The following OR7A17 variants were observed in gnomAD, a reference collection of about 807,000 sequenced individuals.
OR7A17 encodes olfactory receptor family 7 subfamily A member 17.
For synonymous variants in OR7A17, 159 were observed against 142.1 expected (o/e 1.12, Z -0.85); for missense variants, 366 against 365.5 (o/e 1.00, Z -0.01).
Position 14,880,592 on chromosome 19 carries a change from C to A in OR7A17, c.764G>T (p.Gly255Val). Residue 255 changes from glycine (G) to valine (V), a missense_variant, in exon 3 of 3, where the codon GGC becomes GTC. Physicochemically the swap from Gly to Val is moderately radical, Grantham distance 109 (BLOSUM62 -3). Transcript: ENST00000641113. The stretch of plus-strand genomic sequence containing the variant: ...AGCAGAAGTAAGGTACACACCTAGG[C>A]CCGTACAACAAAATAAAGAGACAAC... ...LSVVSLFCCTGLGVYLTSAAT... is the reference protein window; with the variant it reads ...LSVVSLFCCTVLGVYLTSAAT... 6.2e-7 allele frequency: 1 copy of A among 1,614,088 alleles called. No individual in the cohort carries two copies. Among genetic ancestry groups the A allele is most frequent in the Non-Finnish European group, 8.5e-7 (1 of 1,180,018 alleles).
At chr19:14,885,345 T>G (rs139119706) in intron 1 of OR7A17, among the ~76,000 whole-genome samples, 4 of 152,198 alleles carry the variant, frequency 2.6e-5, no homozygotes, top group Non-Finnish European at 5.9e-5. Flanking sequence ...TTGTCTCTGT[T>G]TGCAGATGAC....
chr19:14,882,565 G>A (rs2045117507), intron 1 of OR7A17, among the ~76,000 whole-genome samples: 1 of 152,246 alleles, frequency 6.6e-6, no homozygotes, highest in Non-Finnish European at 1.5e-5. Flanking sequence ...AAGATGTTGT[G>A]GGATGAGGTG....
chr19:14,886,057 A>G lies in OR7A17; in HGVS notation c.-411T>C, dbSNP rs2045134485. The G allele has an allele frequency of 6.6e-6, 1 of 152,220 alleles. No homozygotes were observed. Among genetic ancestry groups the G allele is most frequent in the Non-Finnish European group, 1.5e-5 (1 of 68,044 alleles). 9.4% of individuals were successfully genotyped at this position (152,220 alleles called of 1,614,324 possible). ...ACAAGGCATCAGGAAAAGTTGAAGC[A>G]TCATCTATACTTGAGCCAGACTAAG... On this transcript the variant is annotated 5_prime_UTR_variant, in exon 1 of 3. An upstream start codon of the reference 5' UTR is lost. Coordinates refer to ENST00000641113, the MANE Select transcript of OR7A17 (RefSeq NM_030901.2).
At chr19:14,883,708 A>G (rs556489568) in intron 1 of OR7A17, among the ~76,000 whole-genome samples, 21 of 152,358 alleles carry the variant, frequency 1.4e-4, no homozygotes, top group African/African-American at 4.8e-4. Flanking sequence ...GATAAAATAA[A>G]AAGAATGTTA....
At chr19:14,885,638 G>T (rs1326552282) in intron 1 of OR7A17, among the ~76,000 whole-genome samples, 3 of 152,070 alleles carry the variant, frequency 2.0e-5, no homozygotes, top group African/African-American at 7.2e-5. Flanking sequence ...ACAAACAAAT[G>T]GAAAAACATT....
At chr19:14,883,765 T>A (rs1252896275) in intron 1 of OR7A17, among the ~76,000 whole-genome samples, 1 of 152,222 alleles carries the variant, frequency 6.6e-6, no homozygotes, top group East Asian at 1.9e-4. Flanking sequence ...ACAACTATAT[T>A]TTTTAAATGT....
At chr19:14,883,311 G>A (rs1382105112) in intron 1 of OR7A17, among the ~76,000 whole-genome samples, 1 of 152,162 alleles carries the variant, frequency 6.6e-6, no homozygotes, top group Non-Finnish European at 1.5e-5. Context: ...GTGGAGGCAG[G>A]TGGCTGTAAT....
intron 2 of OR7A17, 101 bp downstream of exon 2, chr19:14,881,673 T>C (rs2045113168): frequency 6.4e-6 from 1 of 157,378 alleles, no homozygotes; most frequent in Non-Finnish European, 1.4e-5. Flanking sequence ...ATTTCTATGG[T>C]GACAGATAAA....
intron 1 of OR7A17, among the ~76,000 whole-genome samples, chr19:14,882,634 A>T (rs1178854695): frequency 6.6e-6 from 1 of 152,216 alleles, no homozygotes; most frequent in Non-Finnish European, 1.5e-5. Context: ...ATGCTGTTGC[A>T]TTTGCATTTT....
Position 14,881,027 on chromosome 19 carries a change from A to G in OR7A17, c.329T>C (p.Leu110Ser). The change falls in exon 3 of 3, where the codon TTA (leucine) becomes TCA (serine). Residue 110 changes from leucine to serine, a missense_variant. By Grantham distance (145) the Leu-to-Ser change is moderately radical (BLOSUM62 -2). Coordinates refer to ENST00000641113, the MANE Select transcript of OR7A17 (RefSeq NM_030901.2). ...QMCFFVLFGG[L>S]DSLLLAVMAY... ...CATCACAGCCAGGAGTAAGCTGTCT[A>G]ACCCTCCAAAAAGTACAAAAAAGCA... 1 of 1,614,226 alleles carries G rather than the reference A, an allele frequency of 6.2e-7. No homozygotes were observed. Among genetic ancestry groups the G allele is most frequent in the East Asian group, 2.2e-5 (1 of 44,886 alleles).
At position 14,880,555 on chromosome 19, in the gene OR7A17, G is replaced by A. The variant is rs141007923; in HGVS notation, c.801C>T (p.Asn267=). The change falls in exon 3 of 3, where the codon AAC becomes AAT. Residue 267 remains asparagine, a synonymous_variant. Transcript: ENST00000641113. ...CTGAGGCTGTTGCACTTGTGTGTGA[G>A]TTGTGGGTTGCAGCAGAAGTAAGGT... ...GVYLTSAATH[N]SHTSATASVM... 3.2e-5 allele frequency: 51 copies of A among 1,614,184 alleles called. No individual in the cohort carries two copies. In the African/African-American group the frequency reaches 4.4e-4, roughly 14 times the overall value.
chr19:14,881,398 T>C lies in OR7A17; in HGVS notation c.-43A>G, dbSNP rs1051819252. 4 of 1,126,856 alleles carry C rather than the reference T, an allele frequency of 3.5e-6. No homozygotes were observed. In the African/African-American group the frequency reaches 7.2e-5, roughly 20 times the overall value. The allele number at this position is 1,126,856 out of a possible 1,614,324, so 69.8% of individuals were successfully genotyped here. A position where few individuals can be genotyped will look rare whatever the true frequency, so the allele number is the denominator to read the frequency against. ...TTTATTTATTTATTTATTTATTTATTTATTTATTAACATAGACAGGGTCTC... is the reference window on the plus strand; with the variant it reads ...TTTATTTATTTATTTATTTATTTATCTATTTATTAACATAGACAGGGTCTC... On this transcript the variant is annotated 5_prime_UTR_variant, in exon 3 of 3. Transcript: ENST00000641113.
intron 1 of OR7A17, among the ~76,000 whole-genome samples, chr19:14,885,554 T>A (rs2045132171): frequency 1.3e-5 from 2 of 152,116 alleles, no homozygotes; most frequent in Non-Finnish European, 2.9e-5. Context: ...TACCTAGGAA[T>A]ATAACCTACA....
In OR7A17 at chr19:14,881,182, G is replaced by A; in HGVS notation, c.174C>T (p.Pro58=). The A allele has an allele frequency of 6.2e-7, 1 of 1,614,046 alleles. No homozygotes were observed. Among genetic ancestry groups the A allele is most frequent in the South Asian group, 1.1e-5 (1 of 91,060 alleles). The stretch of plus-strand genomic sequence containing the variant: ...ACAGGTTGGAGAGGAAGAAGTACAT[G>A]GGGGTGTGGAGGTGGGAGTCTGAGA... ...ATISDSHLHT[P]MYFFLSNLSF... is the part of the protein sequence containing the mutation. The change falls in exon 3 of 3, where the codon CCC becomes CCT. Residue 58 remains proline, a synonymous_variant. Transcript: ENST00000641113.
chr19:14,881,051 C>T lies in OR7A17; in HGVS notation c.305G>A (p.Cys102Tyr), dbSNP rs750341094. 3 of 1,614,048 alleles carry T rather than the reference C, an allele frequency of 1.9e-6. No homozygotes were observed. Among genetic ancestry groups the T allele is most frequent in the African/African-American group, 2.7e-5 (2 of 74,928 alleles). Residue 102 changes from cysteine to tyrosine, a missense_variant, in exon 3 of 3, where the codon TGC becomes TAC. Cys to Tyr is a radical substitution (Grantham distance 194). Coordinates refer to ENST00000641113, the MANE Select transcript of OR7A17 (RefSeq NM_030901.2). ...TAACCCTCCAAAAAGTACAAAAAAG[C>T]ACATCTGGGTGATGCAGCCTGCATA... ...ITYAGCITQMCFFVLFGGLDS... is the reference protein window; with the variant it reads ...ITYAGCITQMYFFVLFGGLDS...
At chr19:14,882,805 G>A (rs190352940) in intron 1 of OR7A17, among the ~76,000 whole-genome samples, 21 of 152,060 alleles carry the variant, frequency 1.4e-4, no homozygotes, top group East Asian at 9.7e-4. Context: ...AGGTGCGTGC[G>A]CGCACGCACA....
rs2145117492 is a variant in OR7A17 at position 14,878,597 on chromosome 19, A to C, written c.*1829T>G. 1 of 152,338 alleles carries C rather than the reference A, an allele frequency of 6.6e-6. No homozygotes were observed. The highest frequency in any genetic ancestry group is 1.5e-5 in the Non-Finnish European group (1 of 68,024). The allele number at this position is 152,338 out of a possible 1,614,324, so 9.4% of individuals were successfully genotyped here. On this transcript the variant is annotated 3_prime_UTR_variant, in exon 3 of 3. Coordinates refer to ENST00000641113, the MANE Select transcript of OR7A17 (RefSeq NM_030901.2). The stretch of plus-strand genomic sequence containing the variant: ...GATTCCAAATCCTTCCCTTGGACTA[A>C]CAAACCTCATTACAAATGGGCACCA...
In OR7A17 at chr19:14,879,146, A is replaced by C. The variant is rs996109685; in HGVS notation, c.*1280T>G. ...GCATTTATTCTTTCAGTTATGAATA[A>C]ATTTTTTAATCCATATTCTTTCAGG... On this transcript the variant is annotated 3_prime_UTR_variant, in exon 3 of 3. Transcript: ENST00000641113. 6.6e-6 allele frequency: 1 copy of C among 152,192 alleles called. No individual in the cohort carries two copies. The highest frequency in any genetic ancestry group is 1.5e-5 in the Non-Finnish European group (1 of 68,024). The allele number at this position is 152,192 out of a possible 1,614,324, so 9.4% of individuals were successfully genotyped here. A position where few individuals can be genotyped will look rare whatever the true frequency, so the allele number is the denominator to read the frequency against.
chr19:14,881,386 T>TTATG lies in OR7A17; in HGVS notation c.-32_-31insCATA. ...TTTTTCTATTTATTTATTTATTTAT[T>TTATG]TATTTATTTATTTATTTATTAACAT... On this transcript the variant is annotated 5_prime_UTR_variant, in exon 3 of 3. Transcript: ENST00000641113. The TTATG allele has an allele frequency of 8.6e-7, 1 of 1,159,778 alleles. No homozygotes were observed. Among genetic ancestry groups the TTATG allele is most frequent in the Non-Finnish European group, 1.1e-6 (1 of 901,726 alleles). The allele number at this position is 1,159,778 out of a possible 1,614,324, so 71.8% of individuals were successfully genotyped here.
Sources: gnomAD v4.1 joint callset for allele counts (sites outside exome capture counted in the v4.1 genomes callset) on GRCh38, gnomAD v4.1.1 for gene constraint, MANE v1.5 for transcripts, NCBI Gene and HGNC (gene_info 2026-07-23, HGNC 2026-07-21) for gene names.